Variants in OPCML observed in about 807,000 individuals in gnomAD.
OPCML encodes opioid binding protein/cell adhesion molecule like, also known as opioid-binding protein/cell adhesion molecule.
OPCML carries 13 observed loss-of-function variants against 37.8 expected under a neutral mutation model. The observed-to-expected ratio is 0.34, with a 90% confidence interval of 0.22 to 0.55. OPCML has a LOEUF of 0.55. Ranked by LOEUF, OPCML falls within the 20% of genes least tolerant of loss-of-function variation. OPCML has a pLI of 0.91. For synonymous variants in OPCML, 176 were observed against 168.8 expected, an observed-to-expected ratio of 1.04 and a Z score of -0.33; for missense variants, 341 against 435.6, an observed-to-expected ratio of 0.78 and a Z score of 1.93.
At chr11:132,867,375 G>A (rs951980493) in intron 2 of OPCML, among the ~76,000 whole-genome samples, 6 of 152,146 alleles carry the variant, frequency 3.9e-5, no homozygotes, top group Admixed American at 2.6e-4. Flanking sequence ...AAGGAAATCC[G>A]ACTGGTGACT....
At chr11:133,429,833 A>G (rs1946080973) in intron 1 of OPCML, among the ~76,000 whole-genome samples, 3 of 152,186 alleles carry the variant, frequency 2.0e-5, no homozygotes, top group Admixed American at 2.0e-4. Context: ...GCTCATTTAG[A>G]CATCTAGGTG....
chr11:133,421,267 G>A (rs1429524479), intron 1 of OPCML: 9 of 985,292 alleles, frequency 9.1e-6, no homozygotes, highest in Admixed American at 6.1e-5. Context: ...ATTGCCAAAC[G>A]TGAGTGGAAA....
chr11:133,280,130 G>A (rs1398219696), intron 1 of OPCML, among the ~76,000 whole-genome samples: 3 of 152,118 alleles, frequency 2.0e-5, no homozygotes, highest in Non-Finnish European at 2.9e-5. Flanking sequence ...ATAATCATCA[G>A]GCAAAATAGT....
At chr11:133,103,504 T>C (rs1236718637) in intron 1 of OPCML, among the ~76,000 whole-genome samples, 1 of 152,192 alleles carries the variant, frequency 6.6e-6, no homozygotes, top group Non-Finnish European at 1.5e-5. Context: ...GGGCCAGGCA[T>C]GGAGGTGTGG....
At chr11:133,033,485 T>G (rs1393808910) in intron 1 of OPCML, among the ~76,000 whole-genome samples, 1 of 152,238 alleles carries the variant, frequency 6.6e-6, no homozygotes, top group Non-Finnish European at 1.5e-5. Context: ...CTCCTATCCA[T>G]AGAAATCAAA....
intron 4 of OPCML, among the ~76,000 whole-genome samples, chr11:132,508,457 A>G (rs1247389793): frequency 1.4e-5 from 2 of 138,896 alleles, no homozygotes; most frequent in Non-Finnish European, 3.1e-5. Context: ...ATTTCAATGG[A>G]TGCCAAAAAA....
At chr11:133,101,194 G>A (rs1211702125) in intron 1 of OPCML, among the ~76,000 whole-genome samples, 2 of 152,106 alleles carry the variant, frequency 1.3e-5, no homozygotes, top group Admixed American at 1.3e-4. Context: ...AAGTGCTAGG[G>A]TGACAAGTGT....
chr11:132,627,861 GGAA>G (rs1939843232), intron 3 of OPCML, among the ~76,000 whole-genome samples: 1 of 152,140 alleles, frequency 6.6e-6, no homozygotes, highest in African/African-American at 2.4e-5. Context: ...CATAACTTTG[GGAA>G]GAAGAGTTTG....
intron 1 of OPCML, among the ~76,000 whole-genome samples, chr11:133,379,875 A>C (rs1592249133): frequency 6.6e-6 from 1 of 152,190 alleles, no homozygotes; most frequent in East Asian, 1.9e-4. Flanking sequence ...CCCCAGCTTA[A>C]CTGACCATAG....
At chr11:132,433,020 C>T (rs2096002529) in intron 7 of OPCML, among the ~76,000 whole-genome samples, 2 of 152,096 alleles carry the variant, frequency 1.3e-5, no homozygotes, top group African/African-American at 4.8e-5. Context: ...TCAGAGAGGT[C>T]AGGAAAGTCT....
At chr11:132,578,833 C>T (rs552866279) in intron 3 of OPCML, among the ~76,000 whole-genome samples, 2 of 152,200 alleles carry the variant, frequency 1.3e-5, no homozygotes, top group South Asian at 2.1e-4. Context: ...CAAGAACTGA[C>T]AACAATTGAT....
chr11:132,451,454 A>G (rs1466866276), intron 4 of OPCML, among the ~76,000 whole-genome samples: 3 of 152,148 alleles, frequency 2.0e-5, no homozygotes, highest in Non-Finnish European at 2.9e-5. Flanking sequence ...AACACTCTAG[A>G]AGGCCTGGGA....
At chr11:132,516,442 C>A (rs1009881427) in intron 4 of OPCML, among the ~76,000 whole-genome samples, 11 of 152,046 alleles carry the variant, frequency 7.2e-5, no homozygotes, top group Non-Finnish European at 1.3e-4. Context: ...GCTACAGGAT[C>A]GATATACGAT....
rs190069818 is a variant in OPCML at position 133,157,802 on chromosome 11, A to G, written c.62-214792T>C. On this transcript the variant is annotated intron_variant, in intron 1 of 7. Transcript: ENST00000524381. ...TGTGTCCACCTAGCCTGCTAATTTA[A>G]TTTTACTTTCCAAAAATCTGAGACC... Among the ~76,000 whole-genome samples, 28 of 152,238 alleles carry G rather than the reference A, an allele frequency of 1.8e-4. No individual in the cohort carries two copies. In the East Asian group the frequency reaches 5.0e-3, roughly 27 times the overall value.
intron 1 of OPCML, among the ~76,000 whole-genome samples, chr11:133,433,910 T>C (rs1444663906): frequency 6.6e-6 from 1 of 152,182 alleles, no homozygotes; most frequent in Non-Finnish European, 1.5e-5. Context: ...TCAGAAGCCA[T>C]CCTAGGGCAG....
intron 1 of OPCML, among the ~76,000 whole-genome samples, chr11:133,097,173 A>C (rs1220120372): frequency 1.3e-5 from 2 of 152,202 alleles, no homozygotes; most frequent in Non-Finnish European, 2.9e-5. Context: ...TAAGAAATGT[A>C]AAAGACAGAA....
In OPCML at chr11:132,444,586, G is replaced by A. The variant is rs576391946; in HGVS notation, c.506-7227C>T. Among the ~76,000 whole-genome samples the A allele has an allele frequency of 2.6e-5, 4 of 152,296 alleles. No individual in the cohort carries two copies. In the East Asian group the frequency reaches 7.7e-4, roughly 30 times the overall value. On this transcript the variant is annotated intron_variant, in intron 4 of 7. Transcript: ENST00000524381. ...TTAACTCATTACAGCAGCTAACGTA[G>A]GCTAAGCCCACAGTATGTGTTCACA... is the stretch of plus-strand genomic sequence containing the variant.
chr11:133,194,840 C>G (rs1327185286), intron 1 of OPCML, among the ~76,000 whole-genome samples: 1 of 152,192 alleles, frequency 6.6e-6, no homozygotes, highest in Non-Finnish European at 1.5e-5. Flanking sequence ...CCCTGAATCT[C>G]TCCCCACTTG....
chr11:132,700,267 T>C (rs916099977), intron 2 of OPCML, among the ~76,000 whole-genome samples: 4 of 152,144 alleles, frequency 2.6e-5, no homozygotes, highest in African/African-American at 9.7e-5. Context: ...TTAAATTGTT[T>C]ATTGTTTTCA....
Sources: allele counts gnomAD v4.1 joint callset (sites outside exome capture counted in the v4.1 genomes callset), GRCh38; gene constraint gnomAD v4.1.1; transcripts MANE v1.5; gene names NCBI Gene and HGNC (gene_info 2026-07-23, HGNC 2026-07-21).